Variants in HMBOX1 observed in about 807,000 individuals in gnomAD.
HMBOX1 encodes homeobox-containing protein 1.
In HMBOX1, 14 loss-of-function variants were observed where a neutral mutation model predicts 54.5. That is an observed-to-expected ratio of 0.26 (90% CI 0.17 to 0.40). The LOEUF (loss-of-function observed/expected upper bound fraction) is 0.40, where lower values mean the gene tolerates loss of function less well. Among genes scored for constraint, HMBOX1 ranks in the 10% least tolerant of loss-of-function variants. HMBOX1 has a pLI of 1.00. For missense variants in HMBOX1, 332 were observed against 514.4 expected, an observed-to-expected ratio of 0.65 and a Z score of 3.43; for synonymous variants, 160 against 181.0, an observed-to-expected ratio of 0.88 and a Z score of 0.93.
chr8:28,973,819 T>TTTTTTTGTTTTTG (rs1827904976), intron 3 of HMBOX1, among the ~76,000 whole-genome samples: 1 of 130,066 alleles, frequency 7.7e-6, no homozygotes, highest in African/African-American at 3.3e-5. Context: ...TTTTTTTTTT[T>TTTTTTTGTTTTTG]TTTTTTTTTT....
At chr8:28,908,843 C>T (rs1422540673) in intron 1 of HMBOX1, among the ~76,000 whole-genome samples, 1 of 152,044 alleles carries the variant, frequency 6.6e-6, no homozygotes, top group Non-Finnish European at 1.5e-5. Flanking sequence ...CCTGTAATTT[C>T]AGTGTTTTGG....
At chr8:28,940,717 C>T (rs1046925217) in intron 1 of HMBOX1, among the ~76,000 whole-genome samples, 8 of 152,204 alleles carry the variant, frequency 5.3e-5, no homozygotes, top group African/African-American at 1.9e-4. Flanking sequence ...CGTAATTTAT[C>T]TCTTAACTTT....
chr8:28,978,349 G>A (rs1828776857), intron 3 of HMBOX1, among the ~76,000 whole-genome samples: 1 of 152,178 alleles, frequency 6.6e-6, no homozygotes, highest in African/African-American at 2.4e-5. Flanking sequence ...CCTAGAAAGA[G>A]TTTGTGCTTC....
In HMBOX1 at chr8:28,987,886, C is replaced by G. The variant is rs182554093; in HGVS notation, c.586+7730C>G. Among the ~76,000 whole-genome samples the G allele has an allele frequency of 7.9e-4, 121 of 152,234 alleles. 1 individual carries two copies. The highest frequency in any genetic ancestry group is 2.9e-3 in the African/African-American group (121 of 41,556). ...ATTTAACTATATCATTTGATTCTCACAAAATAAACTTGGAGATGTACAGGG... is the reference window on the plus strand; with the variant it reads ...ATTTAACTATATCATTTGATTCTCAGAAAATAAACTTGGAGATGTACAGGG... On this transcript the variant is annotated intron_variant, in intron 4 of 9. Coordinates refer to ENST00000287701, the MANE Select transcript of HMBOX1 (RefSeq NM_001135726.3).
At chr8:29,025,971 C>A (rs1006017589) in intron 6 of HMBOX1, among the ~76,000 whole-genome samples, 1 of 151,820 alleles carries the variant, frequency 6.6e-6, no homozygotes, top group East Asian at 1.9e-4. Context: ...TGACCTTGCT[C>A]ATCATGAACG....
chr8:28,903,920 G>A (rs1409223461), intron 1 of HMBOX1, among the ~76,000 whole-genome samples: 1 of 152,162 alleles, frequency 6.6e-6, no homozygotes, highest in African/African-American at 2.4e-5. Context: ...TACTGCAATG[G>A]GAGTGCTATT....
At chr8:29,013,165 C>T (rs1834432114) in intron 5 of HMBOX1, among the ~76,000 whole-genome samples, 1 of 152,168 alleles carries the variant, frequency 6.6e-6, no homozygotes, top group Non-Finnish European at 1.5e-5. Context: ...GAGACAGAGT[C>T]TAGCTCTGCC....
chr8:28,991,963 G>T (rs1484276081), intron 4 of HMBOX1, among the ~76,000 whole-genome samples: 2 of 152,182 alleles, frequency 1.3e-5, no homozygotes, highest in Non-Finnish European at 2.9e-5. Context: ...TGAGAAGCAG[G>T]TGTTAACTTC....
At chr8:28,912,319 G>C in intron 1 of HMBOX1, among the ~76,000 whole-genome samples, 1 of 152,108 alleles carries the variant, frequency 6.6e-6, no homozygotes, top group East Asian at 1.9e-4. Context: ...ATGAAAAATA[G>C]GTACTCCATC....
At chr8:28,983,784 A>G (rs1329981676) in intron 4 of HMBOX1, among the ~76,000 whole-genome samples, 5 of 152,220 alleles carry the variant, frequency 3.3e-5, no homozygotes, top group African/African-American at 1.2e-4. Context: ...TGCTCAACAA[A>G]TGCTGTGTGA....
chr8:29,014,049 A>C (rs1834602473), intron 5 of HMBOX1, among the ~76,000 whole-genome samples: 1 of 149,264 alleles, frequency 6.7e-6, no homozygotes, highest in Non-Finnish European at 1.5e-5. Flanking sequence ...TGGAGAGGTT[A>C]GTTCCTATGG....
At chr8:28,964,169 A>G (rs965258269) in intron 2 of HMBOX1, among the ~76,000 whole-genome samples, 7 of 152,154 alleles carry the variant, frequency 4.6e-5, no homozygotes, top group African/African-American at 1.2e-4. Flanking sequence ...AAAATTAATT[A>G]TTATTTTTAA....
intron 1 of HMBOX1, among the ~76,000 whole-genome samples, chr8:28,938,640 G>T (rs1820803631): frequency 6.6e-6 from 1 of 151,480 alleles, no homozygotes. Context: ...TAGAGACAGG[G>T]TCTCGCTATG....
At chr8:29,018,972 G>T in intron 6 of HMBOX1, 59 bp downstream of exon 6, 2 of 1,505,540 alleles carry the variant, frequency 1.3e-6, no homozygotes, top group South Asian at 2.3e-5. Context: ...ATCAACTCTG[G>T]ATAGACTGGG....
chr8:28,953,599 A>G (rs965047714), intron 1 of HMBOX1, among the ~76,000 whole-genome samples: 1 of 149,628 alleles, frequency 6.7e-6, no homozygotes, highest in Non-Finnish European at 1.5e-5. Context: ...GCCTTTTTAT[A>G]CTCTCCCAAC....
At chr8:28,943,287 G>C (rs955730901) in intron 1 of HMBOX1, among the ~76,000 whole-genome samples, 1 of 152,164 alleles carries the variant, frequency 6.6e-6, no homozygotes, top group African/African-American at 2.4e-5. Context: ...AGAAAATGAA[G>C]ACCCAAGGAA....
chr8:28,948,368 A>T (rs774092589), intron 1 of HMBOX1, among the ~76,000 whole-genome samples: 3 of 152,226 alleles, frequency 2.0e-5, no homozygotes, highest in Non-Finnish European at 4.4e-5. Context: ...AAATGAATGT[A>T]TACATGGGTC....
chr8:28,902,454 A>AG (rs1813411761), intron 1 of HMBOX1, among the ~76,000 whole-genome samples: 1 of 152,204 alleles, frequency 6.6e-6, no homozygotes, highest in African/African-American at 2.4e-5. Flanking sequence ...GATCAGAAAG[A>AG]GGACCCAACC....
intron 6 of HMBOX1, among the ~76,000 whole-genome samples, chr8:29,041,383 T>G (rs1487603479): frequency 6.6e-6 from 1 of 152,146 alleles, no homozygotes; most frequent in Non-Finnish European, 1.5e-5. Context: ...TGAGATCCAT[T>G]TCTTTTGGAG....
Sources: gnomAD v4.1 joint callset for allele counts (sites outside exome capture counted in the v4.1 genomes callset) on GRCh38, gnomAD v4.1.1 for gene constraint, MANE v1.5 for transcripts, NCBI Gene and HGNC (gene_info 2026-07-23, HGNC 2026-07-21) for gene names.